Variants in NFIX observed in about 807,000 individuals in gnomAD.
NFIX encodes the protein nuclear factor 1 X-type.
A neutral mutation model predicts 53.3 loss-of-function variants in NFIX; 2 were observed. The ratio of observed to expected loss-of-function variants is 0.04; its 90% CI spans 0.02 to 0.12. The LOEUF is 0.12. Ranked by LOEUF, NFIX falls within the 10% of genes least tolerant of loss-of-function variation. The pLI is 1.00. For synonymous variants in NFIX, 244 were observed against 289.0 expected (o/e 0.84, Z 1.58); for missense variants, 310 against 674.5 (o/e 0.46, Z 5.99).
intron 1 of NFIX, among the ~76,000 whole-genome samples, chr19:13,017,772 C>T (rs916037045): frequency 2.0e-5 from 3 of 152,238 alleles, no homozygotes; most frequent in East Asian, 1.9e-4. Context: ...CTCATCTTCA[C>T]GCGCTGGTCT....
At chr19:13,074,064 C>A in intron 5 of NFIX, 38 bp downstream of exon 5, 1 of 1,612,770 alleles carries the variant, frequency 6.2e-7, no homozygotes, top group South Asian at 1.1e-5. Context: ...CTTCTCTCCA[C>A]TCCCCCCAGG....
At chr19:13,092,407 C>A (rs567865849) in intron 10 of NFIX, among the ~76,000 whole-genome samples, 1 of 152,270 alleles carries the variant, frequency 6.6e-6, no homozygotes, top group South Asian at 2.1e-4. Context: ...CAGCCTTTGT[C>A]CCTAACTCCA....
chr19:13,032,320 G>A (rs891423156), intron 2 of NFIX, among the ~76,000 whole-genome samples: 10 of 152,118 alleles, frequency 6.6e-5, no homozygotes, highest in Admixed American at 6.6e-4. Flanking sequence ...GACAGGAGGA[G>A]GTGTAGGGGT....
At position 13,094,340 on chromosome 19, in the gene NFIX, C is replaced by A. The variant is rs981514726; in HGVS notation, c.1495-295C>A. ...ATTGGAAACATGGCCAGATCTCAGGCCTGTGCCAGCGCCAGCCATGGGGGT... is the reference window on the plus strand; with the variant it reads ...ATTGGAAACATGGCCAGATCTCAGGACTGTGCCAGCGCCAGCCATGGGGGT... On this transcript the variant is annotated intron_variant, in intron 10 of 10. Transcript: ENST00000592199. The surrounding 1 kb of genome is among the most constrained non-coding windows in gnomAD (Gnocchi z 4.3). 1.3e-5 allele frequency among the ~76,000 whole-genome samples: 2 copies of A among 152,240 alleles called. No homozygotes were observed. The highest frequency in any genetic ancestry group is 3.8e-4 in the East Asian group (2 of 5,196).
intron 2 of NFIX, among the ~76,000 whole-genome samples, chr19:13,034,752 T>C (rs2014061837): frequency 1.3e-5 from 2 of 152,178 alleles, no homozygotes; most frequent in African/African-American, 4.8e-5. Flanking sequence ...TTTCTTAAAG[T>C]TGGAAAACTC....
Position 13,025,116 on chromosome 19 carries a change from C to A in NFIX, c.123C>A (p.Phe41Leu). 3.1e-6 allele frequency: 5 copies of A among 1,614,226 alleles called. No individual in the cohort carries two copies. Among genetic ancestry groups the A allele is most frequent in the Non-Finnish European group, 3.4e-6 (4 of 1,180,032 alleles). Residue 41 changes from phenylalanine (F) to leucine (L), a missense_variant, in exon 2 of 11, where the codon TTC (phenylalanine) becomes TTA (leucine). This residue lies in a region of NFIX where 64 missense variants were observed against 144.5 expected (regional missense o/e 0.44). Transcript: ENST00000592199. This position sits in a 1 kb window ranked among gnomAD's most constrained non-coding sequence, Gnocchi z 7.5. ...TGCAGGCGCGGAAGCGCAAGTACTTCAAGAAGCATGAAAAGCGGATGTCGA... is the reference window on the plus strand; with the variant it reads ...TGCAGGCGCGGAAGCGCAAGTACTTAAAGAAGCATGAAAAGCGGATGTCGA... Reference protein sequence around the residue: ...FNLQARKRKYFKKHEKRMSKD... With the variant: ...FNLQARKRKYLKKHEKRMSKD...
chr19:13,012,241 G>C lies in NFIX; in HGVS notation c.28-12780G>C, dbSNP rs945583103. The C allele has an allele frequency of 6.6e-6, 1 of 152,418 alleles. No homozygotes were observed. Among genetic ancestry groups the C allele is most frequent in the Non-Finnish European group, 1.5e-5 (1 of 68,162 alleles). 9.4% of individuals were successfully genotyped at this position (152,418 alleles called of 1,614,324 possible). On this transcript the variant is annotated intron_variant, in intron 1 of 10. Coordinates refer to ENST00000592199, the MANE Select transcript of NFIX (RefSeq NM_001365902.3). The surrounding 1 kb of genome is among the most constrained non-coding windows in gnomAD (Gnocchi z 5.0). ...AACCGCCATGGGTGCTGAGTGGAGAGTGGGGACCGCGGACCCCGGGGGCAG... is the reference window on the plus strand; with the variant it reads ...AACCGCCATGGGTGCTGAGTGGAGACTGGGGACCGCGGACCCCGGGGGCAG...
rs200499751 is a variant in NFIX at position 13,090,345 on chromosome 19, C to T, written c.1449C>T (p.Ile483=). 8.1e-6 allele frequency: 13 copies of T among 1,613,978 alleles called. No individual in the cohort carries two copies. Among genetic ancestry groups the T allele is most frequent in the Non-Finnish European group, 5.1e-6 (6 of 1,179,890 alleles). ...GASSANRFVS[I]GPRDGNFLNI... ...CCTCTGCCAACCGGTTTGTCAGCAT[C>T]GGACCCCGGGACGGCAACTTTCTGA... is the stretch of plus-strand genomic sequence containing the variant. Residue 483 remains isoleucine (I), a synonymous_variant, in exon 10 of 11, where the codon ATC becomes ATT. Transcript: ENST00000592199. This position sits in a 1 kb window ranked among gnomAD's most constrained non-coding sequence, Gnocchi z 6.6.
At position 13,025,431 on chromosome 19, in the gene NFIX, T is replaced by C. The variant is rs746564674; in HGVS notation, c.438T>C (p.Asp146=). 1 of 1,614,078 alleles carries C rather than the reference T, an allele frequency of 6.2e-7. No homozygotes were observed. The highest frequency in any genetic ancestry group is 1.1e-5 in the South Asian group (1 of 91,086). The change falls in exon 2 of 11, where the codon GAT becomes GAC. Residue 146 remains aspartate, a synonymous_variant. Transcript: ENST00000592199. The surrounding 1 kb of genome is among the most constrained non-coding windows in gnomAD (Gnocchi z 7.5). The stretch of plus-strand genomic sequence containing the variant: ...AGGGGATCCCCCTGGAAAGTACTGA[T>C]GGGGAGCGGCTCTACAAGTCGCCTC... ...LFKGIPLEST[D]GERLYKSPQC... is the part of the protein sequence containing the mutation.
Position 13,012,957 on chromosome 19 carries a change from A to C in NFIX, c.28-12064A>C, listed in dbSNP as rs1342649188. 1.3e-5 allele frequency among the ~76,000 whole-genome samples: 2 copies of C among 150,894 alleles called. No homozygotes were observed. The highest frequency in any genetic ancestry group is 2.1e-4 in the South Asian group (1 of 4,746). On this transcript the variant is annotated intron_variant, in intron 1 of 10. Coordinates refer to ENST00000592199, the MANE Select transcript of NFIX (RefSeq NM_001365902.3). The surrounding 1 kb of genome is among the most constrained non-coding windows in gnomAD (Gnocchi z 5.0). ...TTCCAGGGTTGGCTGGGTTTGGGGG[A>C]TTTTGTCCTCCAGCGAGCGCGGGGA...
rs1161827354 is a variant in NFIX at position 13,013,070 on chromosome 19, A to AAT, written c.28-11950_28-11949insTA. ...CGGGGAGTTGCGCAGACTCTAAAAA[A>AAT]AAAACCTTTAAAAACCCAAAACCTC... On this transcript the variant is annotated intron_variant, in intron 1 of 10. Transcript: ENST00000592199. The surrounding 1 kb of genome is among the most constrained non-coding windows in gnomAD (Gnocchi z 5.9). Among the ~76,000 whole-genome samples the AAT allele has an allele frequency of 6.6e-6, 1 of 151,300 alleles. No individual in the cohort carries two copies. Among genetic ancestry groups the AAT allele is most frequent in the Non-Finnish European group, 1.5e-5 (1 of 67,756 alleles).
intron 1 of NFIX, among the ~76,000 whole-genome samples, chr19:13,017,241 A>G (rs1050824892): frequency 6.6e-6 from 1 of 152,156 alleles, no homozygotes; most frequent in African/African-American, 2.4e-5. Context: ...GAGCTCCTCA[A>G]AGCACCCCCG....
rs2012962827 is a variant in NFIX at position 13,021,720 on chromosome 19, G to A, written c.28-3301G>A. Among the ~76,000 whole-genome samples the A allele has an allele frequency of 6.6e-6, 1 of 152,056 alleles. No homozygotes were observed. Among genetic ancestry groups the A allele is most frequent in the South Asian group, 2.1e-4 (1 of 4,818 alleles). ...TGTTTCGAAGGCCTCAAGCATGGCT[G>A]CTCCATAGCTCTAACTGGAGAGACC... On this transcript the variant is annotated intron_variant, in intron 1 of 10. Coordinates refer to ENST00000592199, the MANE Select transcript of NFIX (RefSeq NM_001365902.3). The surrounding 1 kb of genome is among the most constrained non-coding windows in gnomAD (Gnocchi z 4.2).
At chr19:13,076,550 C>T (rs1016018928) in intron 6 of NFIX, among the ~76,000 whole-genome samples, 2 of 152,176 alleles carry the variant, frequency 1.3e-5, no homozygotes, top group Admixed American at 1.3e-4. Context: ...CCGTGTTTAT[C>T]CTCACTGTGG....
At chr19:13,042,968 T>C (rs2145277409) in intron 2 of NFIX, among the ~76,000 whole-genome samples, 1 of 152,332 alleles carries the variant, frequency 6.6e-6, no homozygotes, top group Middle Eastern at 3.4e-3. Flanking sequence ...CATCTCACTC[T>C]GTCCCTGTAC....
At position 13,052,040 on chromosome 19, in the gene NFIX, T is replaced by G. The variant is rs2015360470; in HGVS notation, c.560-21007T>G. Among the ~76,000 whole-genome samples the G allele has an allele frequency of 6.6e-6, 1 of 152,192 alleles. No individual in the cohort carries two copies. The highest frequency in any genetic ancestry group is 1.5e-5 in the Non-Finnish European group (1 of 68,024). Reference sequence around the variant, plus strand: ...TGCCCCATTTCCCTTCTGTCTTTCCTTTGCTGTCCACTCTGCTTGCAGGAT... The same window carrying G: ...TGCCCCATTTCCCTTCTGTCTTTCCGTTGCTGTCCACTCTGCTTGCAGGAT... On this transcript the variant is annotated intron_variant, in intron 2 of 10. Coordinates refer to ENST00000592199, the MANE Select transcript of NFIX (RefSeq NM_001365902.3). The surrounding 1 kb of genome is among the most constrained non-coding windows in gnomAD (Gnocchi z 5.2).
At chr19:13,032,832 A>G (rs2013912773) in intron 2 of NFIX, among the ~76,000 whole-genome samples, 1 of 152,154 alleles carries the variant, frequency 6.6e-6, no homozygotes, top group Admixed American at 6.5e-5. Context: ...GAGACACCCA[A>G]ACCAGTGCCT....
intron 2 of NFIX, among the ~76,000 whole-genome samples, chr19:13,063,656 TTCTC>T (rs1035843499): frequency 6.6e-6 from 1 of 152,146 alleles, no homozygotes. Flanking sequence ...CTCTCTCCCT[TTCTC>T]TCTATCTTTT....
intron 1 of NFIX, among the ~76,000 whole-genome samples, chr19:13,008,373 T>C (rs2012141362): frequency 6.6e-6 from 1 of 152,138 alleles, no homozygotes; most frequent in Non-Finnish European, 1.5e-5. Context: ...GGGCCTGGTA[T>C]ACAAGCAATG....
Sources: gnomAD v4.1 joint callset for allele counts (sites outside exome capture counted in the v4.1 genomes callset) on GRCh38, gnomAD v4.1.1 for gene constraint, gnomAD v4.1.1 regional missense constraint, Gnocchi (gnomAD v3.1) non-coding constraint, MANE v1.5 for transcripts, NCBI Gene and HGNC (gene_info 2026-07-23, HGNC 2026-07-21) for gene names.